Variants in LARP4B observed in about 807,000 individuals in gnomAD.
LARP4B encodes the protein La ribonucleoprotein 4B, also known as la-related protein 4B.
LARP4B carries 12 observed loss-of-function variants against 89.8 expected under a neutral mutation model. That is an observed-to-expected ratio of 0.13 (90% CI 0.09 to 0.22). The LOEUF (loss-of-function observed/expected upper bound fraction) is 0.22, where lower values mean the gene tolerates loss of function less well. Among genes scored for constraint, LARP4B ranks in the 10% least tolerant of loss-of-function variants. The pLI, the probability that LARP4B is intolerant of heterozygous loss-of-function variation, is 1.00. For missense variants in LARP4B, 757 were observed against 947.7 expected (o/e 0.80, Z 2.64); for synonymous variants, 367 against 363.3 (o/e 1.01, Z -0.12).
chr10:848,568 A>C (rs914331557), intron 5 of LARP4B, among the ~76,000 whole-genome samples: 1 of 148,212 alleles, frequency 6.7e-6, no homozygotes, highest in African/African-American at 2.5e-5. Context: ...AAAGTTATTA[A>C]AAAAAAAAAA....
intron 14 of LARP4B, chr10:819,469 C>A (rs1302677840): frequency 6.6e-6 from 1 of 152,232 alleles, no homozygotes; most frequent in Non-Finnish European, 1.5e-5. Context: ...ACAGAAAAAG[C>A]GTCTGGACCT....
At chr10:866,321 T>C (rs1433791647) in intron 3 of LARP4B, among the ~76,000 whole-genome samples, 1 of 152,226 alleles carries the variant, frequency 6.6e-6, no homozygotes, top group African/African-American at 2.4e-5. Flanking sequence ...ACTTCATTTT[T>C]GGCCTCTGCT....
the LARP4B span, among the ~76,000 whole-genome samples, chr10:952,425 C>T: frequency 1.1e-4 from 16 of 141,992 alleles, no homozygotes; most frequent in South Asian, 1.8e-3. Flanking sequence ...AGGAAGAAAT[C>T]GCACCAGCCC....
At chr10:976,239 T>C in the LARP4B span, among the ~76,000 whole-genome samples, 1 of 139,164 alleles carries the variant, frequency 7.2e-6, no homozygotes, top group African/African-American at 2.8e-5. Flanking sequence ...TCATGCAACG[T>C]GTGGACCCGG....
chr10:866,706 C>A (rs1171563145), intron 3 of LARP4B, among the ~76,000 whole-genome samples: 2 of 152,234 alleles, frequency 1.3e-5, no homozygotes, highest in African/African-American at 4.8e-5. Flanking sequence ...AGCTGGCTCC[C>A]CTCAGCTCAT....
chr10:913,663 C>T (rs939684846), intron 1 of LARP4B, among the ~76,000 whole-genome samples: 1 of 152,182 alleles, frequency 6.6e-6, no homozygotes, highest in African/African-American at 2.4e-5. Flanking sequence ...TAAATTAGGG[C>T]CGGGTGCAGT....
intron 1 of LARP4B, among the ~76,000 whole-genome samples, chr10:907,017 A>G (rs1836510625): frequency 6.6e-6 from 1 of 152,222 alleles, no homozygotes; most frequent in South Asian, 2.1e-4. Context: ...GGATAAAGTG[A>G]AAAGAACCAC....
intron 1 of LARP4B, among the ~76,000 whole-genome samples, chr10:889,529 T>G (rs1453872471): frequency 2.0e-5 from 3 of 152,256 alleles, no homozygotes; most frequent in Admixed American, 6.5e-5. Context: ...ACAGTGGTCC[T>G]GGCCAGGAAC....
At chr10:982,310 T>G in the LARP4B span, among the ~76,000 whole-genome samples, 1 of 152,132 alleles carries the variant, frequency 6.6e-6, no homozygotes, top group Admixed American at 6.5e-5. Flanking sequence ...CAGGCTGGTC[T>G]CGAACTCCTG....
At chr10:848,299 C>A (rs532065293) in intron 5 of LARP4B, among the ~76,000 whole-genome samples, 1 of 152,226 alleles carries the variant, frequency 6.6e-6, no homozygotes, top group Non-Finnish European at 1.5e-5. Context: ...TTCCAAGAAA[C>A]CTGGCTGCAT....
At chr10:985,621 G>A in the LARP4B span, 2 of 152,248 alleles carry the variant, frequency 1.3e-5, no homozygotes, top group Non-Finnish European at 2.9e-5. Flanking sequence ...ACCTAAGGAG[G>A]TGTTTCCTTA....
chr10:903,855 T>C (rs1294171225), intron 1 of LARP4B, among the ~76,000 whole-genome samples: 1 of 152,132 alleles, frequency 6.6e-6, no homozygotes, highest in East Asian at 1.9e-4. Context: ...TGGCAAAATG[T>C]CAGAGCTGGG....
chr10:941,244 C>T, the LARP4B span, among the ~76,000 whole-genome samples: 7 of 152,208 alleles, frequency 4.6e-5, no homozygotes, highest in Non-Finnish European at 8.8e-5. Flanking sequence ...GGAAGTCCTT[C>T]TCCAACCCCC....
At chr10:892,299 C>G (rs1368729301) in intron 1 of LARP4B, among the ~76,000 whole-genome samples, 1 of 152,214 alleles carries the variant, frequency 6.6e-6, no homozygotes, top group Non-Finnish European at 1.5e-5. Context: ...TTAACCTCAT[C>G]TGTCAAAGCT....
At chr10:835,727 G>A (rs1033537676) in intron 8 of LARP4B, among the ~76,000 whole-genome samples, 6 of 152,302 alleles carry the variant, frequency 3.9e-5, no homozygotes, top group Admixed American at 2.6e-4. Flanking sequence ...GAGGTCAGGA[G>A]TTCCAGACCA....
intron 1 of LARP4B, among the ~76,000 whole-genome samples, chr10:900,782 G>C (rs190184940): frequency 8.6e-5 from 13 of 151,022 alleles, no homozygotes; most frequent in African/African-American, 2.2e-4. Context: ...ACCACGCTTG[G>C]CTAATTTTTG....
intron 5 of LARP4B, among the ~76,000 whole-genome samples, chr10:854,405 T>A (rs1326778006): frequency 6.6e-6 from 1 of 152,190 alleles, no homozygotes; most frequent in Non-Finnish European, 1.5e-5. Context: ...ATGAAATGTA[T>A]TTTTTAAATA....
In LARP4B at chr10:829,544, A is replaced by G; in HGVS notation, c.966T>C (p.Asn322=). 1 of 1,614,180 alleles carries G rather than the reference A, an allele frequency of 6.2e-7. No homozygotes were observed. The highest frequency in any genetic ancestry group is 8.5e-7 in the Non-Finnish European group (1 of 1,180,032). ...GGCTCACGTCCAGGGGTCTAAATCC[A>G]TTCTTTGGCAAAAATGTGTTTATAG... ...AIAINTFLPK[N]GFRPLDVSLY... The change falls in exon 11 of 18, where the codon AAT becomes AAC. Residue 322 remains asparagine, a synonymous_variant. Coordinates refer to ENST00000316157, the MANE Select transcript of LARP4B (RefSeq NM_015155.3).
At chr10:922,940 T>C (rs1192915050) in intron 1 of LARP4B, among the ~76,000 whole-genome samples, 2 of 151,952 alleles carry the variant, frequency 1.3e-5, no homozygotes, top group Non-Finnish European at 2.9e-5. Context: ...CTGGGCGTGG[T>C]GGCACACGCC....
Sources: allele counts gnomAD v4.1 joint callset (sites outside exome capture counted in the v4.1 genomes callset), GRCh38; gene constraint gnomAD v4.1.1; transcripts MANE v1.5; gene names NCBI Gene and HGNC (gene_info 2026-07-23, HGNC 2026-07-21).